The following YME1L1 variants were observed in gnomAD, a reference collection of about 807,000 sequenced individuals.
YME1L1 encodes YME1 like 1 ATPase, also known as ATP-dependent zinc metalloprotease YME1L1.
In YME1L1, 39 loss-of-function variants were observed where a neutral mutation model predicts 90.4. The ratio of observed to expected loss-of-function variants is 0.43; its 90% CI spans 0.33 to 0.56. The LOEUF is 0.56. Among genes scored for constraint, YME1L1 ranks in the 20% least tolerant of loss-of-function variants. The probability of loss-of-function intolerance (pLI) is 0.03; values close to 1 mark genes in which losing one functional copy is unlikely to be tolerated. For missense variants in YME1L1, 617 were observed against 868.4 expected, an observed-to-expected ratio of 0.71 and a Z score of 3.64; for synonymous variants, 284 against 287.3, an observed-to-expected ratio of 0.99 and a Z score of 0.12.
intron 1 of YME1L1, among the ~76,000 whole-genome samples, chr10:27,152,727 ATC>A (rs937373986): frequency 1.4e-4 from 21 of 151,286 alleles, no homozygotes; most frequent in Non-Finnish European, 2.9e-4. Context: ...TCTCCCCATC[ATC>A]TCTCTGATCT....
At chr10:27,116,663 T>C (rs2056816331) in intron 15 of YME1L1, among the ~76,000 whole-genome samples, 1 of 151,594 alleles carries the variant, frequency 6.6e-6, no homozygotes, top group Non-Finnish European at 1.5e-5. Flanking sequence ...TGAAACTCCA[T>C]CTCAAAAATA....
At chr10:27,121,068 G>C (rs1254479198) in intron 12 of YME1L1, among the ~76,000 whole-genome samples, 2 of 152,060 alleles carry the variant, frequency 1.3e-5, no homozygotes, top group African/African-American at 4.8e-5. Flanking sequence ...AAGTTTTATT[G>C]AGATGTAATT....
Position 27,134,967 on chromosome 10 carries a change from C to T in YME1L1, c.555G>A (p.Arg185=). 4 of 1,612,394 alleles carry T rather than the reference C, an allele frequency of 2.5e-6. No homozygotes were observed. Among genetic ancestry groups the T allele is most frequent in the South Asian group, 2.2e-5 (2 of 91,008 alleles). ...APSFVKGFLL[R]DRGSDVESLD... ...AACTCTCAACATCTGATCCTCTGTC[C>T]CGCAAAAGAAACCCCTGAATACACA... Residue 185 remains arginine (R), a synonymous_variant, in exon 6 of 19, where the codon CGG becomes CGA. Coordinates refer to ENST00000376016, the MANE Select transcript of YME1L1 (RefSeq NM_014263.4).
chr10:27,135,730 T>C (rs1361087602), intron 5 of YME1L1, among the ~76,000 whole-genome samples: 1 of 152,078 alleles, frequency 6.6e-6, no homozygotes, highest in African/African-American at 2.4e-5. Flanking sequence ...TCCCAGTGTA[T>C]CAGGTGGAGG....
intron 1 of YME1L1, among the ~76,000 whole-genome samples, chr10:27,151,682 C>T (rs906814871): frequency 6.6e-6 from 1 of 151,846 alleles, no homozygotes; most frequent in Non-Finnish European, 1.5e-5. Context: ...GGGATGGAGA[C>T]CATCCTGGCT....
intron 7 of YME1L1, among the ~76,000 whole-genome samples, chr10:27,132,845 AAAAAT>A (rs1214310786): frequency 6.6e-6 from 1 of 152,182 alleles, no homozygotes; most frequent in Non-Finnish European, 1.5e-5. Context: ...AATAAAATAA[AAAAAT>A]AAAATAAAAT....
At chr10:27,140,103 G>A (rs532600467) in intron 4 of YME1L1, among the ~76,000 whole-genome samples, 4 of 152,152 alleles carry the variant, frequency 2.6e-5, no homozygotes, top group African/African-American at 9.6e-5. Flanking sequence ...AGGTTCAAGC[G>A]ATTATCCTGC....
In YME1L1 at chr10:27,119,450, C is replaced by G; in HGVS notation, c.1412-1G>C. The G allele has an allele frequency of 6.2e-7, 1 of 1,603,020 alleles. No homozygotes were observed. Among genetic ancestry groups the G allele is most frequent in the Non-Finnish European group, 8.5e-7 (1 of 1,176,992 alleles). ...CGAGCTATAATTTCTGGATCAACGG[C>G]TAATGTAAAAAGAGAACACAACGCT... On this transcript the variant is annotated splice_acceptor_variant, in intron 13 of 18. Transcript: ENST00000376016. LOFTEE classifies it high-confidence loss of function.
chr10:27,121,865 A>G lies in YME1L1; in HGVS notation c.1236-417T>C, dbSNP rs553504680. ...ATTCTCATGTCTCAGCTTCCTGAGT[A>G]GCCAGGATTACAGGCGCCTGCCACC... On this transcript the variant is annotated intron_variant, in intron 11 of 18. Coordinates refer to ENST00000376016, the MANE Select transcript of YME1L1 (RefSeq NM_014263.4). Among the ~76,000 whole-genome samples the G allele has an allele frequency of 3.0e-4, 46 of 151,590 alleles. 1 individual carries two copies. Among genetic ancestry groups the G allele is most frequent in the African/African-American group, 1.0e-3 (43 of 41,306 alleles).
In YME1L1 at chr10:27,126,702, G is replaced by C. The variant is rs2056923191; in HGVS notation, c.943C>G (p.Pro315Ala). The change falls in exon 9 of 19, where the codon CCA becomes GCA. Residue 315 changes from proline to alanine, a missense_variant. By Grantham distance (27) the Pro-to-Ala change is conservative. Coordinates refer to ENST00000376016, the MANE Select transcript of YME1L1 (RefSeq NM_014263.4). ...QKFTILGGKLPKGILLVGPPG... is the reference protein window; with the variant it reads ...QKFTILGGKLAKGILLVGPPG... Reference sequence around the variant, plus strand: ...TAAAGAAAAGATATCTTACCTTTTGGAAGTTTACCTCCAAGAATAGTAAAT... The same window carrying C: ...TAAAGAAAAGATATCTTACCTTTTGCAAGTTTACCTCCAAGAATAGTAAAT... The C allele has an allele frequency of 2.6e-6, 4 of 1,521,552 alleles. No homozygotes were observed. The highest frequency in any genetic ancestry group is 3.6e-6 in the Non-Finnish European group (4 of 1,122,070). The allele number at this position is 1,521,552 out of a possible 1,614,324, so 94.3% of individuals were successfully genotyped here.
At chr10:27,114,892 C>A (rs1031951026) in intron 17 of YME1L1, among the ~76,000 whole-genome samples, 2 of 151,932 alleles carry the variant, frequency 1.3e-5, no homozygotes, top group Non-Finnish European at 2.9e-5. Context: ...CTGGGCATAG[C>A]GGCACGTGCC....
chr10:27,117,040 T>C (rs4142123), intron 15 of YME1L1, among the ~76,000 whole-genome samples: 75,813 of 152,012 alleles, frequency 0.5, 21,675 homozygotes, highest in Non-Finnish European at 0.65. Flanking sequence ...ATCAGGGGAC[T>C]GATGAAAAAC....
At chr10:27,152,471 A>C (rs1426221862) in intron 1 of YME1L1, among the ~76,000 whole-genome samples, 1 of 152,208 alleles carries the variant, frequency 6.6e-6, no homozygotes, top group Non-Finnish European at 1.5e-5. Flanking sequence ...GGTACATAAA[A>C]ATCCCTTTAT....
chr10:27,128,145 T>G (rs545126661), intron 8 of YME1L1, among the ~76,000 whole-genome samples: 1 of 152,278 alleles, frequency 6.6e-6, no homozygotes, highest in African/African-American at 2.4e-5. Context: ...TTATTAATAT[T>G]TTTAAGGCTA....
At chr10:27,140,601 C>T (rs1374879958) in intron 4 of YME1L1, among the ~76,000 whole-genome samples, 2 of 152,150 alleles carry the variant, frequency 1.3e-5, no homozygotes, top group Non-Finnish European at 2.9e-5. Context: ...GCCTCAGCCT[C>T]CCAAGTAGCT....
chr10:27,120,987 T>C (rs539885755), intron 12 of YME1L1, among the ~76,000 whole-genome samples: 1 of 141,772 alleles, frequency 7.1e-6, no homozygotes, highest in Admixed American at 6.9e-5. Context: ...CTAGTTATAA[T>C]ACTACAGTTA....
rs2057287412 is a variant in YME1L1, at chr10:27,154,364, A to C, written c.-154T>G. The stretch of plus-strand genomic sequence containing the variant: ...AAACGGAAAATGGCCTCCCCTTCCT[A>C]CAGCTACTGCAACGACAGACAATCC... On this transcript the variant is annotated 5_prime_UTR_variant, in exon 1 of 19. Coordinates refer to ENST00000376016, the MANE Select transcript of YME1L1 (RefSeq NM_014263.4). 2.4e-6 allele frequency: 2 copies of C among 840,820 alleles called. No homozygotes were observed. Among genetic ancestry groups the C allele is most frequent in the Non-Finnish European group, 3.7e-6 (2 of 542,636 alleles). The allele number at this position is 840,820 out of a possible 1,614,324, so 52.1% of individuals were successfully genotyped here.
intron 8 of YME1L1, among the ~76,000 whole-genome samples, chr10:27,127,403 C>T (rs2056931503): frequency 6.6e-6 from 1 of 152,016 alleles, no homozygotes; most frequent in Non-Finnish European, 1.5e-5. Flanking sequence ...CCAGGAGAAG[C>T]GTGTACATAT....
chr10:27,153,840 A>G (rs1175282916), intron 1 of YME1L1, among the ~76,000 whole-genome samples: 2 of 152,186 alleles, frequency 1.3e-5, no homozygotes, highest in African/African-American at 4.8e-5. Flanking sequence ...CCTTTAATGT[A>G]TGGTACAGAC....
Sources: gnomAD v4.1 joint callset for allele counts (sites outside exome capture counted in the v4.1 genomes callset) on GRCh38, gnomAD v4.1.1 for gene constraint, MANE v1.5 for transcripts, NCBI Gene and HGNC (gene_info 2026-07-23, HGNC 2026-07-21) for gene names.